The following TTLL4 variants were observed in gnomAD, a reference collection of about 807,000 sequenced individuals.
The protein encoded by TTLL4 is tubulin tyrosine ligase like 4.
In TTLL4, 85 loss-of-function variants were observed where a neutral mutation model predicts 122.7. That is an observed-to-expected ratio of 0.69 (90% CI 0.58 to 0.83). The LOEUF is 0.83. Ranked by LOEUF, TTLL4 falls within the 40% of genes least tolerant of loss-of-function variation. The probability of loss-of-function intolerance (pLI) is 0.00; values close to 1 mark genes in which losing one functional copy is unlikely to be tolerated. For synonymous variants in TTLL4, 553 were observed against 563.0 expected (o/e 0.98, Z 0.25); for missense variants, 1,363 against 1,488.6 (o/e 0.92, Z 1.39).
Position 218,716,528 on chromosome 2 carries a change from G to A in TTLL4, c.-178+5491G>A, listed in dbSNP as rs145414016. ...TGTCGGGCTGGGCGCAGTGGCTCAC[G>A]CCTGTAATCCCAGCACTTTGGGAGG... On this transcript the variant is annotated intron_variant, in intron 1 of 19. Coordinates refer to ENST00000392102, the MANE Select transcript of TTLL4 (RefSeq NM_014640.5). 7.6e-3 allele frequency among the ~76,000 whole-genome samples: 1,155 copies of A among 152,298 alleles called. 15 individuals carry two copies. The highest frequency in any genetic ancestry group is 0.013 in the Non-Finnish European group (856 of 68,018).
At chr2:218,758,527 A>G (rs927253773), downstream of TTLL4, among the ~76,000 whole-genome samples, 1 of 152,186 alleles carries the variant, frequency 6.6e-6, no homozygotes, top group African/African-American at 2.4e-5. Flanking sequence ...ATATTACCAA[A>G]CTATGGTAAA....
rs201708095 is a variant in TTLL4, at chr2:218,753,202, T to A, written c.3258+17T>A. On this transcript the variant is annotated intron_variant, in intron 18 of 19. Coordinates refer to ENST00000392102, the MANE Select transcript of TTLL4 (RefSeq NM_014640.5). ...GCTCCAGTGGTGAGTGCTGCCAGTG[T>A]GGAGGACAGCTCCTTCTCAGGCCCC... is the stretch of plus-strand genomic sequence containing the variant. 48 of 1,613,902 alleles carry A rather than the reference T, an allele frequency of 3.0e-5. No individual in the cohort carries two copies. The highest frequency in any genetic ancestry group is 3.4e-5 in the Non-Finnish European group (40 of 1,179,968).
At position 218,737,613 on chromosome 2, in the gene TTLL4, G is replaced by A. The variant is rs1191363460; in HGVS notation, c.-64G>A. The A allele has an allele frequency of 2.9e-5, 43 of 1,499,662 alleles. No individual in the cohort carries two copies. Among genetic ancestry groups the A allele is most frequent in the Middle Eastern group, 2.5e-4 (1 of 4,050 alleles). 92.9% of individuals were successfully genotyped at this position (1,499,662 alleles called of 1,614,324 possible). A position where few individuals can be genotyped will look rare whatever the true frequency, so the allele number is the denominator to read the frequency against. ...CTTCAAGGATGCAGCTGCTACTACC[G>A]GAGGTGTGTGGCACCTTACCTCAGC... On this transcript the variant is annotated 5_prime_UTR_variant, in exon 3 of 20. Transcript: ENST00000392102.
At chr2:218,756,902 G>A (rs1943163716), downstream of TTLL4, among the ~76,000 whole-genome samples, 1 of 152,154 alleles carries the variant, frequency 6.6e-6, no homozygotes, top group Non-Finnish European at 1.5e-5. Context: ...GAGAAACTCA[G>A]TTTCTTAGAA....
chr2:218,758,517 A>G (rs1943190749), downstream of TTLL4, among the ~76,000 whole-genome samples: 1 of 152,236 alleles, frequency 6.6e-6, no homozygotes, highest in Non-Finnish European at 1.5e-5. Flanking sequence ...TAGCGTGTTA[A>G]TATTACCAAA....
rs762916091 is a variant in TTLL4, at chr2:218,749,405, G to GT, written c.2735+18_2735+19insT. On this transcript the variant is annotated intron_variant, in intron 14 of 19. Transcript: ENST00000392102. ...TCCCCAAGGTAGGTGGTATTCTCAG[G>GT]ACACTCACCATAGAATCCTTCCATT... 2 of 1,613,620 alleles carry GT rather than the reference G, an allele frequency of 1.2e-6. No individual in the cohort carries two copies. The highest frequency in any genetic ancestry group is 1.7e-6 in the Non-Finnish European group (2 of 1,179,938).
intron 5 of TTLL4, among the ~76,000 whole-genome samples, chr2:218,742,756 C>T (rs910271905): frequency 2.0e-5 from 3 of 152,264 alleles, no homozygotes; most frequent in East Asian, 1.9e-4. Context: ...ACTCAGTTTC[C>T]CCCATTGGGT....
chr2:218,754,428 C>T lies in TTLL4; in HGVS notation c.*39C>T. 1.2e-6 allele frequency: 2 copies of T among 1,609,516 alleles called. No individual in the cohort carries two copies. ...AAAAGCCTCTGCCCAGGAGCATGGG[C>T]ATCAGCTACCTCACGGGAACCAGCC... On this transcript the variant is annotated 3_prime_UTR_variant, in exon 20 of 20. Transcript: ENST00000392102.
intron 16 of TTLL4, 104 bp downstream of exon 16, chr2:218,751,910 CTT>C (rs552683126): frequency 7.5e-3 from 3,199 of 426,324 alleles, no homozygotes; most frequent in East Asian, 0.015. Flanking sequence ...TTTTCTTTTT[CTT>C]TTTTTTTTTT....
rs372153012 is a variant in TTLL4 at position 218,740,566 on chromosome 2, C to T, written c.1643C>T (p.Ser548Leu). The part of the protein sequence containing the change: ...SSLSAVSPSE[S>L]VAMISRSCME... ...TTAAGTGCTGTCTCCCCCAGCGAAT[C>T]GGTGGCCATGATCTCTAGGTAAGTG... is the stretch of plus-strand genomic sequence containing the variant. Residue 548 changes from serine to leucine, a missense_variant, in exon 5 of 20, where the codon TCG becomes TTG. Physicochemically the swap from Ser to Leu is moderately radical, Grantham distance 145. Around this residue, in one of 3 missense-constraint regions of TTLL4, gnomAD observed 760 missense variants for 808.4 expected, o/e 0.94. Coordinates refer to ENST00000392102, the MANE Select transcript of TTLL4 (RefSeq NM_014640.5). The T allele has an allele frequency of 4.5e-5, 72 of 1,614,032 alleles. No individual in the cohort carries two copies. The South Asian group carries it at 6.9e-4, about 16-fold the overall frequency.
intron 2 of TTLL4, among the ~76,000 whole-genome samples, chr2:218,735,297 C>T (rs918633537): frequency 3.9e-5 from 6 of 152,230 alleles, no homozygotes; most frequent in Admixed American, 3.9e-4. Context: ...TTCAGTGGCT[C>T]AGGCTTGTAA....
At chr2:218,714,064 A>G (rs149504460) in intron 1 of TTLL4, among the ~76,000 whole-genome samples, 1 of 152,278 alleles carries the variant, frequency 6.6e-6, no homozygotes, top group Non-Finnish European at 1.5e-5. Flanking sequence ...GGGTGATGAT[A>G]GAGTTGAGAA....
chr2:218,749,310 C>T lies in TTLL4; in HGVS notation c.2658C>T (p.Cys886=), dbSNP rs1942951772. ...TGTATGTGCGACGGCCCTATAGCTG[C>T]CATGAACTCTTTGGTTTTGACATCA... ...LKMYVRRPYS[C]HELFGFDIML... Residue 886 remains cysteine (C), a synonymous_variant, in exon 14 of 20, where the codon TGC becomes TGT. Coordinates refer to ENST00000392102, the MANE Select transcript of TTLL4 (RefSeq NM_014640.5). 6.2e-7 allele frequency: 1 copy of T among 1,614,128 alleles called. No homozygotes were observed. Among genetic ancestry groups the T allele is most frequent in the African/African-American group, 1.3e-5 (1 of 75,020 alleles).
At chr2:218,752,721 C>T (rs757600058) in intron 16 of TTLL4, 42 bp from the exon 17 acceptor site, 52 of 1,606,822 alleles carry the variant, frequency 3.2e-5, no homozygotes, top group Non-Finnish European at 4.0e-5. Flanking sequence ...CCCTGGCTTA[C>T]ACTCTCTCAC....
Position 218,747,356 on chromosome 2 carries a change from C to G in TTLL4, c.2233C>G (p.Pro745Ala). The G allele has an allele frequency of 6.2e-7, 1 of 1,614,190 alleles. No individual in the cohort carries two copies. Among genetic ancestry groups the G allele is most frequent in the Non-Finnish European group, 8.5e-7 (1 of 1,180,048 alleles). Residue 745 changes from proline to alanine, a missense_variant, in exon 10 of 20, where the codon CCC becomes GCC. By Grantham distance (27) the Pro-to-Ala change is conservative (BLOSUM62 -1). Coordinates refer to ENST00000392102, the MANE Select transcript of TTLL4 (RefSeq NM_014640.5). The surrounding 1 kb of genome is among the most constrained non-coding windows in gnomAD (Gnocchi z 4.7). Reference protein sequence around the residue: ...HKWSQLPKRRPLLVQRYLHKP... With the variant: ...HKWSQLPKRRALLVQRYLHKP... The stretch of plus-strand genomic sequence containing the variant: ...GTGGAGTCAGCTCCCCAAGCGAAGG[C>G]CCCTCCTGGTACAGAGGTGAGCCTG...
Position 218,747,549 on chromosome 2 carries a change from G to A in TTLL4, c.2250-48G>A. On this transcript the variant is annotated intron_variant, in intron 10 of 19. Coordinates refer to ENST00000392102, the MANE Select transcript of TTLL4 (RefSeq NM_014640.5). This position sits in a 1 kb window ranked among gnomAD's most constrained non-coding sequence, Gnocchi z 4.7. ...TTTTCCTGTGGCTTGGTTACCCACT[G>A]AGCCCCATCATCTGGCTGTATGAGA... The A allele has an allele frequency of 1.2e-6, 2 of 1,606,352 alleles. No homozygotes were observed. Among genetic ancestry groups the A allele is most frequent in the South Asian group, 1.1e-5 (1 of 90,268 alleles).
chr2:218,724,402 C>G (rs2106403345), intron 1 of TTLL4, among the ~76,000 whole-genome samples: 1 of 152,284 alleles, frequency 6.6e-6, no homozygotes, highest in Admixed American at 6.5e-5. Flanking sequence ...ACTTCTTGCT[C>G]CATTACCTGA....
rs1942807621 is a variant in TTLL4, at chr2:218,745,198, C to A, written c.1751C>A (p.Pro584His). The change falls in exon 6 of 20, where the codon CCC (proline) becomes CAC (histidine). Residue 584 changes from proline to histidine, a missense_variant. Transcript: ENST00000392102. ...ATCTACAGTCTCTTTCCCAACGTTCCCCCTACCATCTATTTTGGCACTCGG... is the reference window on the plus strand; with the variant it reads ...ATCTACAGTCTCTTTCCCAACGTTCACCCTACCATCTATTTTGGCACTCGG... ...ALIYSLFPNV[P>H]PTIYFGTRDE... 5 of 1,613,936 alleles carry A rather than the reference C, an allele frequency of 3.1e-6. No homozygotes were observed. The highest frequency in any genetic ancestry group is 1.7e-5 in the Admixed American group (1 of 59,984).
chr2:218,724,395 T>A (rs1228996891), intron 1 of TTLL4, among the ~76,000 whole-genome samples: 1 of 152,130 alleles, frequency 6.6e-6, no homozygotes, highest in Non-Finnish European at 1.5e-5. Flanking sequence ...TGGACTTACT[T>A]CTTGCTCCAT....
Sources: gnomAD v4.1 joint callset for allele counts (sites outside exome capture counted in the v4.1 genomes callset) on GRCh38, gnomAD v4.1.1 for gene constraint, gnomAD v4.1.1 regional missense constraint, Gnocchi (gnomAD v3.1) non-coding constraint, MANE v1.5 for transcripts, NCBI Gene and HGNC (gene_info 2026-07-23, HGNC 2026-07-21) for gene names.